Variants in STK32B observed in about 807,000 individuals in gnomAD.
STK32B encodes the protein serine/threonine-protein kinase 32B.
Under a neutral mutation model 52.6 loss-of-function variants are expected in STK32B, and 43 were observed. The observed-to-expected ratio is 0.82, with a 90% CI of 0.64 to 1.05. STK32B has a LOEUF of 1.05. Among genes scored for constraint, STK32B ranks in the 50% least tolerant of loss-of-function variants. The pLI is 0.00. For synonymous variants in STK32B, 238 were observed against 204.3 expected, an observed-to-expected ratio of 1.17 and a Z score of -1.41; for missense variants, 621 against 534.6, an observed-to-expected ratio of 1.16 and a Z score of -1.59.
At chr4:5,124,201 C>T (rs959030847) in intron 1 of STK32B, among the ~76,000 whole-genome samples, 4 of 152,176 alleles carry the variant, frequency 2.6e-5, no homozygotes, top group African/African-American at 9.7e-5. Context: ...TAATTTTGCT[C>T]TCTCACAGAG....
At chr4:5,081,176 A>G (rs2108775470) in intron 1 of STK32B, among the ~76,000 whole-genome samples, 1 of 152,300 alleles carries the variant, frequency 6.6e-6, no homozygotes, top group South Asian at 2.1e-4. Context: ...GGGCTGACTA[A>G]TACGTTTAAT....
At chr4:5,318,052 G>A (rs60805386) in intron 3 of STK32B, among the ~76,000 whole-genome samples, 4 of 152,128 alleles carry the variant, frequency 2.6e-5, no homozygotes, top group African/African-American at 4.8e-5. Flanking sequence ...GAGAACCACT[G>A]GTAGAGAAAG....
At chr4:5,275,238 T>C (rs114218128) in intron 3 of STK32B, among the ~76,000 whole-genome samples, 1,771 of 152,302 alleles carry the variant, frequency 0.012, 22 homozygotes, top group South Asian at 0.057. Context: ...ATGATGTAGA[T>C]TCAACTTAGT....
intron 1 of STK32B, among the ~76,000 whole-genome samples, chr4:5,097,522 A>ATC (rs949764119): frequency 2.6e-5 from 4 of 152,178 alleles, no homozygotes; most frequent in African/African-American, 9.7e-5. Context: ...CTTACCAAAC[A>ATC]TCTCTCTCTC....
intron 3 of STK32B, among the ~76,000 whole-genome samples, chr4:5,202,844 A>G (rs1051717174): frequency 2.6e-5 from 4 of 152,248 alleles, no homozygotes; most frequent in Non-Finnish European, 5.9e-5. Context: ...ATTGATGTGC[A>G]TCTTGGAAGT....
chr4:5,187,081 G>T (rs1012982922), intron 3 of STK32B, among the ~76,000 whole-genome samples: 1 of 152,194 alleles, frequency 6.6e-6, no homozygotes, highest in Non-Finnish European at 1.5e-5. Flanking sequence ...ATTGGCTGTG[G>T]TGTGTCAGGC....
At chr4:5,128,620 G>T (rs1418912047) in intron 1 of STK32B, among the ~76,000 whole-genome samples, 1 of 152,200 alleles carries the variant, frequency 6.6e-6, no homozygotes. Context: ...GCAACAAGAG[G>T]TGGTTGCAGC....
intron 3 of STK32B, among the ~76,000 whole-genome samples, chr4:5,238,841 C>T (rs945784870): frequency 6.6e-6 from 1 of 152,184 alleles, no homozygotes; most frequent in African/African-American, 2.4e-5. Context: ...TGCCAGTGTT[C>T]CTGCCCTCAA....
rs112077018 is a variant in STK32B, at chr4:5,473,111, G to T, written c.1106+5041G>T. ...ATATCATTGGTATTCTCAAGGTCTTGCAATATGAAGAACTTGAACTCTAAT... is the reference window on the plus strand; with the variant it reads ...ATATCATTGGTATTCTCAAGGTCTTTCAATATGAAGAACTTGAACTCTAAT... On this transcript the variant is annotated intron_variant, in intron 11 of 11. Coordinates refer to ENST00000282908, the MANE Select transcript of STK32B (RefSeq NM_018401.3). 4.4e-3 allele frequency among the ~76,000 whole-genome samples: 667 copies of T among 152,292 alleles called. 7 individuals are homozygous for T. Among genetic ancestry groups the T allele is most frequent in the African/African-American group, 0.015 (635 of 41,542 alleles).
chr4:5,159,938 T>C (rs992536863), intron 2 of STK32B, among the ~76,000 whole-genome samples: 1 of 151,804 alleles, frequency 6.6e-6, no homozygotes, highest in Admixed American at 6.6e-5. Flanking sequence ...CTGAAGGGCG[T>C]CTGCCGCAGA....
chr4:5,384,934 AG>A (rs1736149987), intron 4 of STK32B, among the ~76,000 whole-genome samples: 1 of 152,142 alleles, frequency 6.6e-6, no homozygotes. Flanking sequence ...AGAACTTAAG[AG>A]GCCAGATGCC....
intron 3 of STK32B, among the ~76,000 whole-genome samples, chr4:5,245,734 T>C (rs1291411987): frequency 6.6e-6 from 1 of 152,198 alleles, no homozygotes; most frequent in Non-Finnish European, 1.5e-5. Context: ...CCATGTTTAG[T>C]GCTTCCTTCA....
At chr4:5,149,620 C>A (rs943621350) in intron 2 of STK32B, among the ~76,000 whole-genome samples, 1 of 151,980 alleles carries the variant, frequency 6.6e-6, no homozygotes, top group Admixed American at 6.5e-5. Flanking sequence ...TGTAGAGGCC[C>A]ATCTACCACC....
chr4:5,019,775 AGAG>A, the STK32B span, among the ~76,000 whole-genome samples: 1 of 152,100 alleles, frequency 6.6e-6, no homozygotes, highest in African/African-American at 2.4e-5. Flanking sequence ...GTGGGGGATA[AGAG>A]GAGGACAGAG....
intron 3 of STK32B, among the ~76,000 whole-genome samples, chr4:5,278,049 T>G (rs1217162384): frequency 6.6e-6 from 1 of 152,170 alleles, no homozygotes; most frequent in Non-Finnish European, 1.5e-5. Context: ...CCACACTTTG[T>G]TGTACTTATC....
intron 3 of STK32B, among the ~76,000 whole-genome samples, chr4:5,284,895 T>G (rs1560285665): frequency 1.3e-5 from 2 of 152,194 alleles, no homozygotes; most frequent in African/African-American, 4.8e-5. Flanking sequence ...AAGTGCCACT[T>G]GTGGTGCTAG....
At chr4:5,494,303 T>C (rs1469080382) in intron 11 of STK32B, among the ~76,000 whole-genome samples, 1 of 152,210 alleles carries the variant, frequency 6.6e-6, no homozygotes, top group Admixed American at 6.5e-5. Context: ...TTAGCTCTTC[T>C]TGTTGAATTG....
At chr4:5,367,062 C>T (rs773537587) in intron 4 of STK32B, among the ~76,000 whole-genome samples, 16 of 152,110 alleles carry the variant, frequency 1.1e-4, no homozygotes, top group Admixed American at 3.9e-4. Context: ...ACCTCCCCTT[C>T]TCTCCATGTT....
intron 4 of STK32B, among the ~76,000 whole-genome samples, chr4:5,392,830 G>A (rs748454401): frequency 3.3e-5 from 5 of 152,116 alleles, no homozygotes; most frequent in Non-Finnish European, 4.4e-5. Flanking sequence ...GATTGTCCCT[G>A]ACACACAACC....
Sources: allele counts gnomAD v4.1 joint callset (sites outside exome capture counted in the v4.1 genomes callset), GRCh38; gene constraint gnomAD v4.1.1; transcripts MANE v1.5; gene names NCBI Gene and HGNC (gene_info 2026-07-23, HGNC 2026-07-21).